Variants in FAR2 observed in about 807,000 individuals in gnomAD.
The protein encoded by FAR2 is epididymis secretory protein Li 81.
FAR2 carries 19 observed loss-of-function variants against 56.0 expected under a neutral mutation model. The observed-to-expected ratio is 0.34, with a 90% CI of 0.24 to 0.50. FAR2 has a LOEUF of 0.50. FAR2 is among the 20% of genes least tolerant of loss of function. The pLI, the probability that FAR2 is intolerant of heterozygous loss-of-function variation, is 0.98. For synonymous variants in FAR2, 219 were observed against 218.8 expected, an observed-to-expected ratio of 1.00 and a Z score of -0.01; for missense variants, 508 against 642.2, an observed-to-expected ratio of 0.79 and a Z score of 2.26.
chr12:29,277,789 A>T (rs1948723755), intron 2 of FAR2: 1 of 152,206 alleles, frequency 6.6e-6, no homozygotes, highest in African/African-American at 2.4e-5. Context: ...TATGTAAGGC[A>T]AAAATTTATA....
chr12:29,288,145 G>T (rs1467289800), intron 2 of FAR2, among the ~76,000 whole-genome samples: 2 of 152,148 alleles, frequency 1.3e-5, no homozygotes, highest in Non-Finnish European at 2.9e-5. Context: ...CTGTGTAATG[G>T]CAAGTCAATG....
At chr12:29,181,649 G>A (rs888901424) in intron 1 of FAR2, among the ~76,000 whole-genome samples, 2 of 152,222 alleles carry the variant, frequency 1.3e-5, no homozygotes, top group African/African-American at 4.8e-5. Context: ...CCCTACTGCT[G>A]TACAGAGGAG....
chr12:29,189,388 G>A (rs963232280), intron 1 of FAR2, among the ~76,000 whole-genome samples: 9 of 152,074 alleles, frequency 5.9e-5, no homozygotes, highest in African/African-American at 2.2e-4. Context: ...TGATATACCC[G>A]TATCCTTTTT....
intron 10 of FAR2, among the ~76,000 whole-genome samples, chr12:29,325,565 GCAAT>G (rs1418319779): frequency 8.5e-5 from 13 of 152,314 alleles, no homozygotes; most frequent in African/African-American, 2.9e-4. Flanking sequence ...AGACCATAGT[GCAAT>G]CAAACTAGAA....
In FAR2 at chr12:29,316,914, C is replaced by T. The variant is rs1769518827; in HGVS notation, c.1029C>T (p.Thr343=). The change falls in exon 9 of 12, where the codon ACC becomes ACT. Residue 343 remains threonine (T), a synonymous_variant. Coordinates refer to ENST00000536681, the MANE Select transcript of FAR2 (RefSeq NM_001271783.2). The part of the protein sequence containing the change: ...RPFRRPNANF[T]SNSFTSQYWN... ...TCAGGAGGCCAAATGCTAATTTTACCAGCAACAGCTTCACATCACAGTACT... is the reference window on the plus strand; with the variant it reads ...TCAGGAGGCCAAATGCTAATTTTACTAGCAACAGCTTCACATCACAGTACT... 1 of 1,614,068 alleles carries T rather than the reference C, an allele frequency of 6.2e-7. No homozygotes were observed. The highest frequency in any genetic ancestry group is 8.5e-7 in the Non-Finnish European group (1 of 1,180,008).
chr12:29,318,451 C>A (rs930178436), intron 9 of FAR2, among the ~76,000 whole-genome samples: 11 of 152,166 alleles, frequency 7.2e-5, no homozygotes, highest in Non-Finnish European at 1.3e-4. Flanking sequence ...AAGAGAAACA[C>A]AGAAGGAAGA....
At chr12:29,233,693 T>C (rs537274995) in intron 1 of FAR2, among the ~76,000 whole-genome samples, 44 of 152,346 alleles carry the variant, frequency 2.9e-4, no homozygotes, top group Admixed American at 2.7e-3. Flanking sequence ...AGCCTATTCT[T>C]CATTATTAAT....
At chr12:29,314,447 T>TTA (rs1555124024) in intron 8 of FAR2, among the ~76,000 whole-genome samples, 38 of 149,786 alleles carry the variant, frequency 2.5e-4, no homozygotes, top group African/African-American at 3.7e-4. Context: ...TTTTTTTTTT[T>TTA]ATCTGTCAAT....
At chr12:29,246,064 ATATAGT>A (rs1383547686) in intron 1 of FAR2, among the ~76,000 whole-genome samples, 2 of 151,440 alleles carry the variant, frequency 1.3e-5, no homozygotes, top group Non-Finnish European at 2.9e-5. Context: ...AGCTAGGTAT[ATATAGT>A]TATAGTTTTA....
intron 1 of FAR2, among the ~76,000 whole-genome samples, chr12:29,266,716 G>T (rs188940726): frequency 6.6e-6 from 1 of 152,096 alleles, no homozygotes; most frequent in East Asian, 1.9e-4. Context: ...ACTCTAATGT[G>T]ATTATTACAC....
chr12:29,331,745 A>G (rs1949734946), intron 10 of FAR2: 1 of 152,138 alleles, frequency 6.6e-6, no homozygotes, highest in South Asian at 2.1e-4. Context: ...TTTGTAATCC[A>G]TATAAATCTG....
At chr12:29,293,498 T>C in intron 3 of FAR2, 23 bp downstream of exon 3, 2 of 1,496,504 alleles carry the variant, frequency 1.3e-6, no homozygotes, top group Non-Finnish European at 1.8e-6. Flanking sequence ...TTCCCTCTCA[T>C]GGCTTGTATA....
Position 29,264,798 on chromosome 12 carries a change from CT to C in FAR2, c.-38-5613del, listed in dbSNP as rs1454151415. Among the ~76,000 whole-genome samples the C allele has an allele frequency of 2.6e-5, 4 of 151,930 alleles. No homozygotes were observed. In the East Asian group the frequency reaches 7.7e-4, roughly 29 times the overall value. On this transcript the variant is annotated intron_variant, in intron 1 of 11. Coordinates refer to ENST00000536681, the MANE Select transcript of FAR2 (RefSeq NM_001271783.2). ...AAAAGCTAAACACTCCACCAAGAAA[CT>C]GTTAGAACTGATAAACAAATTCAGT... is the stretch of plus-strand genomic sequence containing the variant.
At chr12:29,289,340 AC>A (rs1362606009) in intron 2 of FAR2, among the ~76,000 whole-genome samples, 1 of 152,238 alleles carries the variant, frequency 6.6e-6, no homozygotes, top group East Asian at 1.9e-4. Flanking sequence ...CAGCATAAAA[AC>A]AGACACACAG....
chr12:29,260,325 G>A (rs1481560115), intron 1 of FAR2, among the ~76,000 whole-genome samples: 1 of 152,124 alleles, frequency 6.6e-6, no homozygotes, highest in Non-Finnish European at 1.5e-5. Context: ...CTGAGGGGAG[G>A]AATTCCTTTT....
At chr12:29,269,462 T>A (rs1948577517) in intron 1 of FAR2, among the ~76,000 whole-genome samples, 1 of 152,192 alleles carries the variant, frequency 6.6e-6, no homozygotes, top group Non-Finnish European at 1.5e-5. Flanking sequence ...CTGTACAATT[T>A]GTGCAGTTAA....
chr12:29,273,617 GC>G (rs1198606587), intron 2 of FAR2, among the ~76,000 whole-genome samples: 1 of 152,230 alleles, frequency 6.6e-6, no homozygotes, highest in Non-Finnish European at 1.5e-5. Context: ...GCTGGCTGCT[GC>G]CCCTCCCCCA....
At chr12:29,244,960 T>C (rs192836762) in intron 1 of FAR2, among the ~76,000 whole-genome samples, 12 of 150,986 alleles carry the variant, frequency 7.9e-5, no homozygotes, top group African/African-American at 2.7e-4. Context: ...GACTCAACTG[T>C]AAAACACGCC....
intron 1 of FAR2, among the ~76,000 whole-genome samples, chr12:29,159,528 A>T (rs1196185918): frequency 6.6e-6 from 1 of 151,714 alleles, no homozygotes; most frequent in African/African-American, 2.4e-5. Flanking sequence ...TCGGAAAAAA[A>T]AAAAAAAGAG....
Sources: allele counts gnomAD v4.1 joint callset (sites outside exome capture counted in the v4.1 genomes callset), GRCh38; gene constraint gnomAD v4.1.1; transcripts MANE v1.5; gene names NCBI Gene and HGNC (gene_info 2026-07-23, HGNC 2026-07-21).